RAB3IP: variants seen among roughly 807,000 people sequenced by gnomAD.
The protein encoded by RAB3IP is rab-3A-interacting protein.
In RAB3IP, 36 loss-of-function variants were observed where a neutral mutation model predicts 59.1. The ratio of observed to expected loss-of-function variants is 0.61; its 90% confidence interval spans 0.47 to 0.80. The LOEUF is 0.80. Among genes scored for constraint, RAB3IP ranks in the 30% least tolerant of loss-of-function variants. The probability of loss-of-function intolerance (pLI) is 0.00; values close to 1 mark genes in which losing one functional copy is unlikely to be tolerated. For missense variants in RAB3IP, 511 were observed against 536.0 expected, an observed-to-expected ratio of 0.95 and a Z score of 0.46; for synonymous variants, 207 against 191.2, an observed-to-expected ratio of 1.08 and a Z score of -0.68.
chr12:69,767,570 C>T (rs1188639796), intron 3 of RAB3IP, among the ~76,000 whole-genome samples: 1 of 152,252 alleles, frequency 6.6e-6, no homozygotes, highest in Non-Finnish European at 1.5e-5. Flanking sequence ...TGGGAATCCC[C>T]TTCAGCCCTA....
chr12:69,801,036 A>G (rs1451300538), intron 7 of RAB3IP, among the ~76,000 whole-genome samples: 1 of 152,180 alleles, frequency 6.6e-6, no homozygotes, highest in African/African-American at 2.4e-5. Context: ...GTGGCTCTGT[A>G]TCTGGTTTCA....
At position 69,807,834 on chromosome 12, in the gene RAB3IP, C is replaced by T. The variant is rs190254711; in HGVS notation, c.1131-4944C>T. ...GGCGCTCCTCACCTCCCAGACGGGG[C>T]GGCCGTGCGGAGGCGCTCCTCACCT... On this transcript the variant is annotated intron_variant, in intron 8 of 10. Coordinates refer to ENST00000247833, the MANE Select transcript of RAB3IP (RefSeq NM_022456.5). Among the ~76,000 whole-genome samples, 860 of 142,418 alleles carry T rather than the reference C, an allele frequency of 6.0e-3. 4 individuals are homozygous for T. Among genetic ancestry groups the T allele is most frequent in the Non-Finnish European group, 8.8e-3 (580 of 65,934 alleles). 93.4% of individuals were successfully genotyped at this position (142,418 alleles called of 152,430 possible). A position where few individuals can be genotyped will look rare whatever the true frequency, so the allele number is the denominator to read the frequency against.
chr12:69,784,311 A>ATTT (rs1875259032), intron 3 of RAB3IP, among the ~76,000 whole-genome samples: 2 of 152,034 alleles, frequency 1.3e-5, no homozygotes, highest in African/African-American at 4.8e-5. Flanking sequence ...ATAGCTTTTA[A>ATTT]AGTAAACATA....
At position 69,744,862 on chromosome 12, in the gene RAB3IP, GA is replaced by G. The variant is rs371231125; in HGVS notation, c.-26+5832del. Reference sequence around the variant, plus strand: ...AGAATGCTTCTTAAAAGATAAATGTGATTTTTTTTGTCATAACTAAAATGCT... The same window carrying G: ...AGAATGCTTCTTAAAAGATAAATGTGTTTTTTTTGTCATAACTAAAATGCT... On this transcript the variant is annotated intron_variant, in intron 1 of 10. Transcript: ENST00000247833. 5.7e-3 allele frequency among the ~76,000 whole-genome samples: 863 copies of G among 152,092 alleles called. 11 individuals carry two copies. The highest frequency in any genetic ancestry group is 0.02 in the African/African-American group (825 of 41,450).
chr12:69,740,801 C>T (rs1887255644), intron 1 of RAB3IP, among the ~76,000 whole-genome samples: 1 of 152,286 alleles, frequency 6.6e-6, no homozygotes, highest in Admixed American at 6.5e-5. Context: ...TGTTTCACCC[C>T]CTCATTTTTT....
In RAB3IP at chr12:69,803,671, C is replaced by T. The variant is rs531277945; in HGVS notation, c.1130+1950C>T. Among the ~76,000 whole-genome samples, 163 of 152,114 alleles carry T rather than the reference C, an allele frequency of 1.1e-3. 1 individual carries two copies. The highest frequency in any genetic ancestry group is 2.8e-3 in the African/African-American group (116 of 41,516). On this transcript the variant is annotated intron_variant, in intron 8 of 10. Coordinates refer to ENST00000247833, the MANE Select transcript of RAB3IP (RefSeq NM_022456.5). ...ACTCCCCCAACCCCACAACAGTCCC[C>T]GGTGTGTGATGTTCCCCTTCCTGTG...
intron 8 of RAB3IP, among the ~76,000 whole-genome samples, chr12:69,809,705 T>C (rs2136279607): frequency 6.6e-6 from 1 of 152,374 alleles, no homozygotes; most frequent in South Asian, 2.1e-4. Context: ...TTACTGAGGC[T>C]TGTGCATTCG....
At chr12:69,772,683 A>G (rs1436084311) in intron 3 of RAB3IP, among the ~76,000 whole-genome samples, 1 of 152,216 alleles carries the variant, frequency 6.6e-6, no homozygotes, top group Non-Finnish European at 1.5e-5. Flanking sequence ...CGTACACTGT[A>G]ACTCCATTCT....
At chr12:69,773,399 C>CT (rs71437123) in intron 3 of RAB3IP, among the ~76,000 whole-genome samples, 3,587 of 47,904 alleles carry the variant, frequency 0.075, 267 homozygotes, top group African/African-American at 0.15. Context: ...ATTTGTCTTT[C>CT]TTTTTTTTTT....
chr12:69,794,359 A>C, intron 4 of RAB3IP, 78 bp from the exon 5 acceptor site: 2 of 1,173,072 alleles, frequency 1.7e-6, no homozygotes, highest in Non-Finnish European at 2.5e-6. Context: ...TCTTTGCTTC[A>C]ATTGTAAACA....
rs1373043071 is a variant in RAB3IP, at chr12:69,755,836, A to G, written c.251+177A>G. Reference sequence around the variant, plus strand: ...GGTTGACAAACTTTATATGTGAAGGACCAGATAGTAAATATTTTAGGCTTT... The same window carrying G: ...GGTTGACAAACTTTATATGTGAAGGGCCAGATAGTAAATATTTTAGGCTTT... On this transcript the variant is annotated intron_variant, in intron 2 of 10. Coordinates refer to ENST00000247833, the MANE Select transcript of RAB3IP (RefSeq NM_022456.5). Among the ~76,000 whole-genome samples the G allele has an allele frequency of 2.0e-5, 3 of 152,216 alleles. No homozygotes were observed. The East Asian group carries it at 5.8e-4, about 29-fold the overall frequency.
intron 8 of RAB3IP, among the ~76,000 whole-genome samples, chr12:69,810,308 A>G (rs1288041024): frequency 6.6e-6 from 1 of 152,058 alleles, no homozygotes. Flanking sequence ...GTCCGCCCCT[A>G]CTGGGGGGTG....
intron 8 of RAB3IP, among the ~76,000 whole-genome samples, chr12:69,805,309 G>C (rs1488924902): frequency 6.6e-6 from 1 of 152,030 alleles, no homozygotes; most frequent in East Asian, 1.9e-4. Flanking sequence ...TCTGTTATTG[G>C]TGTATAAGAA....
intron 3 of RAB3IP, among the ~76,000 whole-genome samples, chr12:69,781,890 C>T (rs1372747106): frequency 1.3e-5 from 2 of 152,196 alleles, no homozygotes; most frequent in Non-Finnish European, 2.9e-5. Flanking sequence ...CAAATACCAA[C>T]AAGTGTGATC....
chr12:69,782,226 G>A (rs1874849323), intron 3 of RAB3IP, among the ~76,000 whole-genome samples: 2 of 152,038 alleles, frequency 1.3e-5, no homozygotes, highest in South Asian at 2.1e-4. Flanking sequence ...GTGCAGTGGC[G>A]CGATCTCGGC....
intron 4 of RAB3IP, among the ~76,000 whole-genome samples, chr12:69,791,152 A>T (rs1301279889): frequency 6.6e-6 from 1 of 152,146 alleles, no homozygotes; most frequent in Non-Finnish European, 1.5e-5. Flanking sequence ...AAATGAACGA[A>T]ATTAGACCCT....
chr12:69,783,687 T>C (rs774875048), intron 3 of RAB3IP, among the ~76,000 whole-genome samples: 9 of 152,250 alleles, frequency 5.9e-5, no homozygotes, highest in Non-Finnish European at 1.3e-4. Flanking sequence ...CCGAGTTTTC[T>C]CCAAAGATAG....
chr12:69,751,197 T>G (rs77946000), intron 1 of RAB3IP, among the ~76,000 whole-genome samples: 1 of 152,200 alleles, frequency 6.6e-6, no homozygotes, highest in Non-Finnish European at 1.5e-5. Flanking sequence ...TATTTGCCTT[T>G]CAGTTCTTTG....
intron 8 of RAB3IP, among the ~76,000 whole-genome samples, chr12:69,811,819 G>C (rs976234870): frequency 1.3e-5 from 2 of 152,008 alleles, no homozygotes; most frequent in Admixed American, 1.3e-4. Context: ...TTAATACAAA[G>C]GCACTTTTGT....
Sources: allele counts gnomAD v4.1 joint callset (sites outside exome capture counted in the v4.1 genomes callset), GRCh38; gene constraint gnomAD v4.1.1; transcripts MANE v1.5; gene names NCBI Gene and HGNC (gene_info 2026-07-23, HGNC 2026-07-21).